The following MIPOL1 variants were observed in gnomAD, a reference collection of about 807,000 sequenced individuals.
MIPOL1 encodes mirror-image polydactyly 1.
Under a neutral mutation model 60.9 loss-of-function variants are expected in MIPOL1, and 57 were observed. That is an observed-to-expected ratio of 0.94 (90% confidence interval 0.76 to 1.17). The LOEUF (loss-of-function observed/expected upper bound fraction) is 1.17. MIPOL1 is among the 50% of genes most tolerant of loss of function. The pLI is 0.00. For synonymous variants in MIPOL1, 179 were observed against 168.8 expected, an observed-to-expected ratio of 1.06 and a Z score of -0.47; for missense variants, 551 against 511.6, an observed-to-expected ratio of 1.08 and a Z score of -0.74.
chr14:37,444,980 G>A (rs1177316250), intron 11 of MIPOL1, among the ~76,000 whole-genome samples: 1 of 152,094 alleles, frequency 6.6e-6, no homozygotes, highest in Non-Finnish European at 1.5e-5. Flanking sequence ...TACTGAATGG[G>A]CAAAAACTGG....
intron 11 of MIPOL1, among the ~76,000 whole-genome samples, chr14:37,487,731 C>A (rs2094972927): frequency 6.6e-6 from 1 of 151,826 alleles, no homozygotes; most frequent in Admixed American, 6.6e-5. Flanking sequence ...TCTCTTTTTT[C>A]TTCTTTATTA....
chr14:37,507,609 TG>T (rs1198376062), intron 12 of MIPOL1: 1 of 152,100 alleles, frequency 6.6e-6, no homozygotes, highest in South Asian at 2.1e-4. Context: ...TCTCAGGGAC[TG>T]GGGGTCTGGG....
At chr14:37,353,778 A>C (rs567464569) in intron 9 of MIPOL1, among the ~76,000 whole-genome samples, 2 of 152,030 alleles carry the variant, frequency 1.3e-5, no homozygotes, top group South Asian at 2.1e-4. Context: ...TTTAATGCGT[A>C]TATTTGATTC....
rs11847387 is a variant in MIPOL1, at chr14:37,455,122, G to A, written c.1031+32173G>A. 3.7e-3 allele frequency among the ~76,000 whole-genome samples: 570 copies of A among 152,140 alleles called. 6 individuals are homozygous for A. The highest frequency in any genetic ancestry group is 0.013 in the African/African-American group (554 of 41,514). On this transcript the variant is annotated intron_variant, in intron 11 of 12. Coordinates refer to ENST00000684589, the MANE Select transcript of MIPOL1 (RefSeq NM_001388067.1). ...GGACATTTTCAGTTGATATTTCATG[G>A]TAAACCCAATTCAGAATGTATAAAA...
intron 11 of MIPOL1, among the ~76,000 whole-genome samples, chr14:37,449,580 G>T (rs1314414207): frequency 6.6e-6 from 1 of 152,076 alleles, no homozygotes; most frequent in African/African-American, 2.4e-5. Flanking sequence ...TGCTAACCAT[G>T]TGGTATTCTA....
chr14:37,434,783 G>T (rs912266065), intron 11 of MIPOL1, among the ~76,000 whole-genome samples: 1 of 149,766 alleles, frequency 6.7e-6, no homozygotes, highest in Non-Finnish European at 1.5e-5. Context: ...ATTGGATAAG[G>T]TCTACTCATA....
chr14:37,374,287 C>T (rs1176658329), intron 10 of MIPOL1, among the ~76,000 whole-genome samples: 7 of 152,032 alleles, frequency 4.6e-5, no homozygotes, highest in Non-Finnish European at 1.0e-4. Flanking sequence ...GATATTAGCC[C>T]TTTGTCAGAT....
intron 6 of MIPOL1, chr14:37,277,198 AAAAT>A (rs1353910682): frequency 5.9e-5 from 9 of 151,364 alleles, no homozygotes; most frequent in Admixed American, 5.9e-4. Flanking sequence ...AAAAATAACA[AAAAT>A]AAAACTTTTC....
chr14:37,542,964 G>A (rs1199926351), intron 12 of MIPOL1, among the ~76,000 whole-genome samples: 1 of 152,036 alleles, frequency 6.6e-6, no homozygotes, highest in African/African-American at 2.4e-5. Flanking sequence ...CTGATACCAC[G>A]AATGTATAAG....
intron 7 of MIPOL1, among the ~76,000 whole-genome samples, chr14:37,297,823 A>G (rs1265690786): frequency 6.6e-6 from 1 of 152,080 alleles, no homozygotes; most frequent in Non-Finnish European, 1.5e-5. Context: ...AACAAATGGA[A>G]GAACATTCCA....
chr14:37,478,031 A>G (rs1206339763), intron 11 of MIPOL1, among the ~76,000 whole-genome samples: 1 of 152,256 alleles, frequency 6.6e-6, no homozygotes, highest in East Asian at 1.9e-4. Context: ...TCTGTAGCTC[A>G]GAAAGTCATG....
In MIPOL1 at chr14:37,208,211, A is replaced by G. The variant is rs185099176; in HGVS notation, c.-199+10107A>G. Among the ~76,000 whole-genome samples the G allele has an allele frequency of 7.9e-4, 120 of 152,290 alleles. 1 individual carries two copies. The highest frequency in any genetic ancestry group is 2.8e-3 in the African/African-American group (118 of 41,572). The stretch of plus-strand genomic sequence containing the variant: ...GATGGTTTGATTATGTATAAATAGT[A>G]CTTGGAGAATGACTTTCAATATGTG... On this transcript the variant is annotated intron_variant, in intron 1 of 12. Coordinates refer to ENST00000684589, the MANE Select transcript of MIPOL1 (RefSeq NM_001388067.1).
chr14:37,322,380 T>TG (rs887384263), intron 9 of MIPOL1, among the ~76,000 whole-genome samples: 29 of 152,092 alleles, frequency 1.9e-4, no homozygotes, highest in African/African-American at 6.7e-4. Flanking sequence ...ATCACTGATC[T>TG]GATATTTTTA....
intron 1 of MIPOL1, among the ~76,000 whole-genome samples, chr14:37,241,972 GCAGTCAA>G (rs1567121115): frequency 8.2e-6 from 1 of 122,344 alleles, no homozygotes; most frequent in Non-Finnish European, 2.0e-5. Flanking sequence ...CAGCAAGCAA[GCAGTCAA>G]TCAATCATAA....
chr14:37,313,784 G>C (rs757273029), intron 9 of MIPOL1, among the ~76,000 whole-genome samples: 1 of 152,090 alleles, frequency 6.6e-6, no homozygotes, highest in African/African-American at 2.4e-5. Context: ...ATATTGCCAG[G>C]CTTGATTATA....
intron 12 of MIPOL1, among the ~76,000 whole-genome samples, chr14:37,544,133 A>G (rs2095539209): frequency 6.6e-6 from 1 of 152,216 alleles, no homozygotes; most frequent in Admixed American, 6.5e-5. Context: ...TAGATTTGGA[A>G]GTCATGAGCG....
intron 3 of MIPOL1, among the ~76,000 whole-genome samples, chr14:37,250,345 C>T (rs145608982): frequency 1.4e-3 from 207 of 152,086 alleles, no homozygotes; most frequent in African/African-American, 4.6e-3. Flanking sequence ...GTCAGGAGTT[C>T]GAGGCCAGCC....
At chr14:37,523,444 A>C (rs1193697125) in intron 12 of MIPOL1, 1 of 386,512 alleles carries the variant, frequency 2.6e-6, no homozygotes, top group Admixed American at 4.6e-5. Flanking sequence ...GCTAAGCCAA[A>C]TATAAATATT....
At chr14:37,534,824 G>A (rs1433702248) in intron 12 of MIPOL1, among the ~76,000 whole-genome samples, 1 of 152,108 alleles carries the variant, frequency 6.6e-6, no homozygotes, top group Non-Finnish European at 1.5e-5. Context: ...GTGCTGCCAT[G>A]TTCCAACTGG....
Sources: gnomAD v4.1 joint callset for allele counts (sites outside exome capture counted in the v4.1 genomes callset) on GRCh38, gnomAD v4.1.1 for gene constraint, MANE v1.5 for transcripts, NCBI Gene and HGNC (gene_info 2026-07-23, HGNC 2026-07-21) for gene names.